CUL1: variants seen among roughly 807,000 people sequenced by gnomAD.
The protein encoded by CUL1 is cullin-1.
CUL1 carries 24 observed loss-of-function variants against 118.0 expected under a neutral mutation model. The ratio of observed to expected loss-of-function variants is 0.20; its 90% CI spans 0.15 to 0.29. The LOEUF (loss-of-function observed/expected upper bound fraction) is 0.29, where lower values mean the gene tolerates loss of function less well. Among genes scored for constraint, CUL1 ranks in the 10% least tolerant of loss-of-function variants. The pLI, the probability that CUL1 is intolerant of heterozygous loss-of-function variation, is 1.00. For synonymous variants in CUL1, 332 were observed against 340.4 expected (o/e 0.98, Z 0.27); for missense variants, 361 against 933.8 (o/e 0.39, Z 7.99).
chr7:148,709,394 T>C (rs1797980163), intron 1 of CUL1, among the ~76,000 whole-genome samples: 1 of 152,222 alleles, frequency 6.6e-6, no homozygotes, highest in African/African-American at 2.4e-5. Context: ...TTTTAGAAAA[T>C]TGAATGAAGT....
intron 8 of CUL1, 85 bp downstream of exon 8, chr7:148,766,808 C>A (rs977084196): frequency 3.5e-6 from 4 of 1,149,798 alleles, no homozygotes; most frequent in African/African-American, 1.6e-5. Flanking sequence ...CTCGAGTCAA[C>A]GGCATTACTT....
At chr7:148,767,175 A>T (rs1026861575) in intron 8 of CUL1, among the ~76,000 whole-genome samples, 5 of 152,220 alleles carry the variant, frequency 3.3e-5, no homozygotes, top group African/African-American at 1.2e-4. Context: ...ACCTTTTCTC[A>T]ACTCATTTGT....
At chr7:148,760,244 A>C in intron 6 of CUL1, 89 bp from the exon 7 acceptor site, 2 of 1,101,882 alleles carry the variant, frequency 1.8e-6, no homozygotes, top group Non-Finnish European at 2.5e-6. Flanking sequence ...TTTAAACATA[A>C]CTTAAACTGA....
chr7:148,758,639 G>A (rs1461118875), intron 4 of CUL1, among the ~76,000 whole-genome samples: 2 of 152,186 alleles, frequency 1.3e-5, no homozygotes, highest in Admixed American at 6.5e-5. Context: ...AAAGCATAAT[G>A]TATCCCAGAT....
intron 2 of CUL1, among the ~76,000 whole-genome samples, chr7:148,735,099 ATCAT>A (rs1347171893): frequency 6.6e-6 from 1 of 152,184 alleles, no homozygotes; most frequent in Non-Finnish European, 1.5e-5. Flanking sequence ...TGATTTGAGA[ATCAT>A]TCATTCATAT....
At chr7:148,748,496 A>G (rs568724180) in intron 2 of CUL1, among the ~76,000 whole-genome samples, 9 of 152,364 alleles carry the variant, frequency 5.9e-5, no homozygotes, top group Admixed American at 5.2e-4. Flanking sequence ...AAATATGTAT[A>G]TTAGTTAACA....
intron 2 of CUL1, among the ~76,000 whole-genome samples, chr7:148,746,805 T>C (rs1799322125): frequency 6.6e-6 from 1 of 152,362 alleles, no homozygotes; most frequent in African/African-American, 2.4e-5. Flanking sequence ...TTCTTAAATA[T>C]ACTTAATGAT....
chr7:148,761,045 G>A (rs1373446548), intron 7 of CUL1, among the ~76,000 whole-genome samples: 3 of 152,122 alleles, frequency 2.0e-5, no homozygotes, highest in Non-Finnish European at 2.9e-5. Context: ...TAGAGATAGG[G>A]TCTCGCTATT....
rs534899248 is a variant in CUL1, at chr7:148,699,338, G to A, written c.-162+309G>A. 3.3e-5 allele frequency among the ~76,000 whole-genome samples: 5 copies of A among 152,044 alleles called. No individual in the cohort carries two copies. In the South Asian group the frequency reaches 1.0e-3, roughly 32 times the overall value. On this transcript the variant is annotated intron_variant, in intron 1 of 21. Coordinates refer to ENST00000325222, the MANE Select transcript of CUL1 (RefSeq NM_003592.3). ...ACGATTCATCGCGCCTGGAGGCGGC[G>A]GCCTGGTGGCGCCGGCCCCTTTCCC... is the stretch of plus-strand genomic sequence containing the variant.
chr7:148,761,233 C>T (rs906380135), intron 7 of CUL1, among the ~76,000 whole-genome samples: 6 of 151,880 alleles, frequency 4.0e-5, no homozygotes, highest in Non-Finnish European at 5.9e-5. Flanking sequence ...CCTGGCTGGG[C>T]GTGGTGGCTC....
rs1585519646 is a variant in CUL1, at chr7:148,701,734, C to CT, written c.-162+2706dup. Among the ~76,000 whole-genome samples, 3 of 152,174 alleles carry CT rather than the reference C, an allele frequency of 2.0e-5. No homozygotes were observed. In the East Asian group the frequency reaches 5.8e-4, roughly 29 times the overall value. Reference sequence around the variant, plus strand: ...TCATTCCCAGTATACCCAGTGGTGTCTGTCTTTCAGCATGGAAAATTAAAA... The same window carrying CT: ...TCATTCCCAGTATACCCAGTGGTGTCTTGTCTTTCAGCATGGAAAATTAAAA... On this transcript the variant is annotated intron_variant, in intron 1 of 21. Coordinates refer to ENST00000325222, the MANE Select transcript of CUL1 (RefSeq NM_003592.3).
intron 17 of CUL1, among the ~76,000 whole-genome samples, chr7:148,796,493 T>C (rs909253736): frequency 6.6e-6 from 1 of 152,230 alleles, no homozygotes; most frequent in Non-Finnish European, 1.5e-5. Context: ...GAAAGTCATT[T>C]TGAATGACTA....
rs183711009 is a variant in CUL1 at position 148,710,809 on chromosome 7, G to A, written c.-162+11780G>A. On this transcript the variant is annotated intron_variant, in intron 1 of 21. Coordinates refer to ENST00000325222, the MANE Select transcript of CUL1 (RefSeq NM_003592.3). ...CTCCCAAGTAGCTAGGATTAAAGGCGCCCACCACCATGCCCGGCTAATTTT... is the reference window on the plus strand; with the variant it reads ...CTCCCAAGTAGCTAGGATTAAAGGCACCCACCACCATGCCCGGCTAATTTT... Among the ~76,000 whole-genome samples, 1,233 of 151,848 alleles carry A rather than the reference G, an allele frequency of 8.1e-3. 12 individuals are homozygous for A. Among genetic ancestry groups the A allele is most frequent in the Non-Finnish European group, 8.1e-3 (549 of 67,956 alleles).
intron 1 of CUL1, among the ~76,000 whole-genome samples, chr7:148,701,546 TC>T (rs1797721932): frequency 6.6e-6 from 1 of 152,172 alleles, no homozygotes; most frequent in African/African-American, 2.4e-5. Flanking sequence ...ATCAGGTTTT[TC>T]CCCCCAGGTT....
intron 2 of CUL1, among the ~76,000 whole-genome samples, chr7:148,745,639 G>T (rs1245692033): frequency 6.6e-6 from 1 of 152,206 alleles, no homozygotes; most frequent in African/African-American, 2.4e-5. Context: ...TGGACTGGAG[G>T]TAGGGGGTAG....
intron 1 of CUL1, among the ~76,000 whole-genome samples, chr7:148,713,999 C>T (rs11764941): frequency 0.052 from 7,988 of 152,188 alleles, 320 homozygotes; most frequent in Middle Eastern, 0.1. Flanking sequence ...GGATTACAGG[C>T]GTGAGCCACC....
In CUL1 at chr7:148,797,760, C is replaced by G. The variant is rs370093052; in HGVS notation, c.1900-52C>G. ...GTGAGGTTGCCTGTGGTGGTTATTG[C>G]AAAGAAAAATGCATTTTCCCTTTAA... On this transcript the variant is annotated intron_variant, in intron 17 of 21. Coordinates refer to ENST00000325222, the MANE Select transcript of CUL1 (RefSeq NM_003592.3). 48 of 1,440,266 alleles carry G rather than the reference C, an allele frequency of 3.3e-5. No individual in the cohort carries two copies. In the African/African-American group the frequency reaches 5.6e-4, roughly 17 times the overall value. 89.2% of individuals were successfully genotyped at this position (1,440,266 alleles called of 1,614,324 possible).
intron 6 of CUL1, among the ~76,000 whole-genome samples, chr7:148,759,932 A>G (rs1475981686): frequency 6.6e-6 from 1 of 152,208 alleles, no homozygotes; most frequent in Non-Finnish European, 1.5e-5. Flanking sequence ...GCTCAATGAT[A>G]ACCAGAAATC....
chr7:148,744,979 T>G (rs141724032), intron 2 of CUL1, among the ~76,000 whole-genome samples: 2,364 of 152,316 alleles, frequency 0.016, 52 homozygotes, highest in African/African-American at 0.053. Context: ...ACTGGTCATG[T>G]GAACTCTTTT....
Sources: gnomAD v4.1 joint callset for allele counts (sites outside exome capture counted in the v4.1 genomes callset) on GRCh38, gnomAD v4.1.1 for gene constraint, MANE v1.5 for transcripts, NCBI Gene and HGNC (gene_info 2026-07-23, HGNC 2026-07-21) for gene names.